The following CEP126 variants were observed in gnomAD, a reference collection of about 807,000 sequenced individuals.
The protein encoded by CEP126 is centrosomal protein 126.
A neutral mutation model predicts 107.8 loss-of-function variants in CEP126; 74 were observed. That is an observed-to-expected ratio of 0.69 (90% CI 0.57 to 0.83). The LOEUF (loss-of-function observed/expected upper bound fraction) is 0.83, where lower values mean the gene tolerates loss of function less well. CEP126 is among the 40% of genes least tolerant of loss of function. The pLI, the probability that CEP126 is intolerant of heterozygous loss-of-function variation, is 0.00. For synonymous variants in CEP126, 449 were observed against 446.0 expected, an observed-to-expected ratio of 1.01 and a Z score of -0.08; for missense variants, 1,237 against 1,281.9, an observed-to-expected ratio of 0.96 and a Z score of 0.53.
intron 7 of CEP126, 128 bp downstream of exon 7, chr11:101,978,587 C>T: frequency 3.3e-6 from 2 of 601,800 alleles, no homozygotes; most frequent in Non-Finnish European, 5.8e-6. Context: ...TAGCCAAAGC[C>T]ATTTGTGAAG....
intron 2 of CEP126, among the ~76,000 whole-genome samples, chr11:101,929,866 T>C (rs1000498175): frequency 5.3e-5 from 8 of 152,104 alleles, no homozygotes; most frequent in African/African-American, 1.9e-4. Flanking sequence ...GAACCACAAT[T>C]TTCTGTGGTG....
intron 2 of CEP126, among the ~76,000 whole-genome samples, chr11:101,941,581 TA>T (rs1256709213): frequency 6.6e-6 from 1 of 152,204 alleles, no homozygotes; most frequent in East Asian, 1.9e-4. Flanking sequence ...TTTTTGCTAT[TA>T]TGAATAATGT....
intron 4 of CEP126, chr11:101,956,022 C>T (rs761902809): frequency 2.2e-6 from 1 of 456,558 alleles, no homozygotes; most frequent in South Asian, 1.5e-5. Context: ...AAATATCATC[C>T]TTGTCCTCCA....
intron 6 of CEP126, among the ~76,000 whole-genome samples, chr11:101,968,008 T>C (rs1941078060): frequency 1.3e-5 from 2 of 152,206 alleles, no homozygotes. Flanking sequence ...TATATGTTCT[T>C]TACTATGCTA....
At chr11:101,940,941 ACATAATCATGCTT>A (rs1940655294) in intron 2 of CEP126, among the ~76,000 whole-genome samples, 1 of 152,198 alleles carries the variant, frequency 6.6e-6, no homozygotes, top group African/African-American at 2.4e-5. Context: ...GGAGGTGACT[ACATAATCATGCTT>A]CATTGGACAT....
At position 101,962,793 on chromosome 11, in the gene CEP126, A is replaced by G; in HGVS notation, c.1758A>G (p.Glu586=). 1 of 1,603,078 alleles carries G rather than the reference A, an allele frequency of 6.2e-7. No homozygotes were observed. Among genetic ancestry groups the G allele is most frequent in the Non-Finnish European group, 8.5e-7 (1 of 1,176,520 alleles). The change falls in exon 6 of 11, where the codon GAA becomes GAG. Residue 586 remains glutamate, a synonymous_variant. Coordinates refer to ENST00000263468, the MANE Select transcript of CEP126 (RefSeq NM_020802.4). The part of the protein sequence containing the change: ...KSILKKESKY[E]HGYLKALIIN... ...TTTTAAAGAAAGAATCTAAATATGA[A>G]CATGGTTATCTTAAGGCATTAATTA...
intron 6 of CEP126, among the ~76,000 whole-genome samples, chr11:101,976,544 T>A (rs1420488269): frequency 1.3e-5 from 2 of 152,222 alleles, no homozygotes; most frequent in African/African-American, 4.8e-5. Flanking sequence ...GTTCTTATCA[T>A]AAAGCGCATG....
chr11:101,978,409 A>T lies in CEP126; in HGVS notation c.2908A>T (p.Lys970Ter), dbSNP rs775560971. Residue 970 changes from lysine (K) to a stop codon, truncating the protein, a stop_gained, in exon 7 of 11, where the codon AAA (lysine) becomes TAA (stop). Coordinates refer to ENST00000263468, the MANE Select transcript of CEP126 (RefSeq NM_020802.4). LOFTEE classifies it high-confidence loss of function. ...TAAGCGGAGAAATATTTTAGAGCAG[A>T]AAAGACAAAACCCTGGATCTGTAGG... is the stretch of plus-strand genomic sequence containing the variant. ...ETKRRNILEQ[K>*]RQNPGSVGQK... The T allele has an allele frequency of 1.9e-6, 3 of 1,613,712 alleles. No homozygotes were observed. The South Asian group carries it at 3.3e-5, about 18-fold the overall frequency.
In CEP126 at chr11:101,962,094, G is replaced by A. The variant is rs145904743; in HGVS notation, c.1059G>A (p.Leu353=). 3 of 1,612,346 alleles carry A rather than the reference G, an allele frequency of 1.9e-6. No homozygotes were observed. The African/African-American group carries it at 4.0e-5, about 22-fold the overall frequency. Residue 353 remains leucine (L), a synonymous_variant, in exon 6 of 11, where the codon TTG becomes TTA. Transcript: ENST00000263468. ...FNSKEQNPSP[L]NGTVERATNT... ...GTAAAGAACAAAATCCATCTCCTTT[G>A]AATGGAACAGTGGAAAGAGCCACAA...
At chr11:101,948,206 G>T in intron 4 of CEP126, 64 bp downstream of exon 4, 1 of 954,482 alleles carries the variant, frequency 1.0e-6, no homozygotes. Flanking sequence ...TAGTTACTGT[G>T]CTTGTCAGCT....
Position 101,961,891 on chromosome 11 carries a change from G to C in CEP126, c.856G>C (p.Ala286Pro). ...IQRNTISLKP[A>P]NMQSTNLSCF... is the part of the protein sequence containing the mutation. ...GCGGAATACCATTTCCCTCAAACCA[G>C]CAAATATGCAATCAACTAATCTCAG... Residue 286 changes from alanine (A) to proline (P), a missense_variant, in exon 6 of 11, where the codon GCA becomes CCA. This residue lies in a region of CEP126 where 1,134 missense variants were observed against 1,150.5 expected (regional missense o/e 0.99). Transcript: ENST00000263468. 5 of 1,613,082 alleles carry C rather than the reference G, an allele frequency of 3.1e-6. No individual in the cohort carries two copies. Among genetic ancestry groups the C allele is most frequent in the Non-Finnish European group, 4.2e-6 (5 of 1,179,412 alleles).
Position 101,963,495 on chromosome 11 carries a change from G to A in CEP126, c.2460G>A (p.Gln820=), listed in dbSNP as rs752276883. 5.0e-6 allele frequency: 8 copies of A among 1,614,072 alleles called. No homozygotes were observed. The highest frequency in any genetic ancestry group is 1.1e-5 in the South Asian group (1 of 91,058). ...IRSGKNIQVS[Q]CQPVTPENPQ... The stretch of plus-strand genomic sequence containing the variant: ...GTGGTAAAAATATACAAGTGTCTCA[G>A]TGTCAACCAGTAACTCCTGAAAATC... The change falls in exon 6 of 11, where the codon CAG becomes CAA. Residue 820 remains glutamine, a synonymous_variant. Transcript: ENST00000263468.
Position 101,998,730 on chromosome 11 carries a change from A to G in CEP126, c.*1087A>G, listed in dbSNP as rs1941473091. On this transcript the variant is annotated 3_prime_UTR_variant, in exon 11 of 11. Transcript: ENST00000263468. ...TTTGAAACACTTGATGTAGTGAGAA[A>G]TGCATTAACATGTTGAATGCCTACC... 6.6e-6 allele frequency: 1 copy of G among 152,112 alleles called. No homozygotes were observed. Among genetic ancestry groups the G allele is most frequent in the African/African-American group, 2.4e-5 (1 of 41,400 alleles). 9.4% of individuals were successfully genotyped at this position (152,112 alleles called of 1,614,324 possible). A position where few individuals can be genotyped will look rare whatever the true frequency, so the allele number is the denominator to read the frequency against.
chr11:101,917,075 T>C (rs931559278), intron 1 of CEP126, among the ~76,000 whole-genome samples: 4 of 136,436 alleles, frequency 2.9e-5, no homozygotes, highest in Non-Finnish European at 4.9e-5. Flanking sequence ...TGTGTGTGTG[T>C]GCTGGTTTAT....
chr11:101,977,628 C>T (rs563175636), intron 6 of CEP126, among the ~76,000 whole-genome samples: 42 of 107,002 alleles, frequency 3.9e-4, no homozygotes, highest in Non-Finnish European at 5.1e-4. Flanking sequence ...AAGACTCTGT[C>T]TCAAAAAAAA....
intron 2 of CEP126, among the ~76,000 whole-genome samples, chr11:101,931,643 C>T (rs1940502219): frequency 6.6e-6 from 1 of 152,000 alleles, no homozygotes; most frequent in Non-Finnish European, 1.5e-5. Flanking sequence ...TTTAGCTTTA[C>T]AGTTTAATAT....
In CEP126 at chr11:101,962,621, A is replaced by G. The variant is rs766033966; in HGVS notation, c.1586A>G (p.His529Arg). 1.9e-6 allele frequency: 3 copies of G among 1,613,410 alleles called. No individual in the cohort carries two copies. The highest frequency in any genetic ancestry group is 2.2e-5 in the South Asian group (2 of 90,866). Residue 529 changes from histidine (H) to arginine (R), a missense_variant, in exon 6 of 11, where the codon CAC (histidine) becomes CGC (arginine). Physicochemically the swap from His to Arg is conservative, Grantham distance 29. Coordinates refer to ENST00000263468, the MANE Select transcript of CEP126 (RefSeq NM_020802.4). ...SDSFQDAYIPHNPDSKDEKQK... is the reference protein window; with the variant it reads ...SDSFQDAYIPRNPDSKDEKQK... ...AGTTTTCAAGATGCCTATATACCTCACAATCCTGATTCAAAAGATGAAAAA... is the reference window on the plus strand; with the variant it reads ...AGTTTTCAAGATGCCTATATACCTCGCAATCCTGATTCAAAAGATGAAAAA...
intron 8 of CEP126, among the ~76,000 whole-genome samples, chr11:101,984,805 C>T (rs1815891523): frequency 1.3e-5 from 2 of 152,188 alleles, no homozygotes; most frequent in South Asian, 4.1e-4. Flanking sequence ...GACCCACTTC[C>T]TTGTGCCTCA....
intron 2 of CEP126, among the ~76,000 whole-genome samples, chr11:101,925,154 C>T (rs1050382712): frequency 6.6e-6 from 1 of 152,114 alleles, no homozygotes; most frequent in Non-Finnish European, 1.5e-5. Context: ...GAGTTGGAGC[C>T]ATAATTTTTT....
Sources: allele counts gnomAD v4.1 joint callset (sites outside exome capture counted in the v4.1 genomes callset), GRCh38; gene constraint gnomAD v4.1.1; regional missense constraint gnomAD v4.1.1; transcripts MANE v1.5; gene names NCBI Gene and HGNC (gene_info 2026-07-23, HGNC 2026-07-21).